The following CAPN5 variants were observed in gnomAD, a reference collection of about 807,000 sequenced individuals.
CAPN5 encodes the protein calpain 5, also known as calpain-5.
CAPN5 carries 54 observed loss-of-function variants against 73.0 expected under a neutral mutation model. The observed-to-expected ratio is 0.74, with a 90% CI of 0.59 to 0.93. The LOEUF is 0.93. CAPN5 is among the 40% of genes least tolerant of loss of function. The pLI, the probability that CAPN5 is intolerant of heterozygous loss-of-function variation, is 0.00. For missense variants in CAPN5, 785 were observed against 882.9 expected, an observed-to-expected ratio of 0.89 and a Z score of 1.41; for synonymous variants, 335 against 356.9, an observed-to-expected ratio of 0.94 and a Z score of 0.69.
At chr11:77,113,444 G>A (rs1018207045) in intron 4 of CAPN5, among the ~76,000 whole-genome samples, 5 of 152,228 alleles carry the variant, frequency 3.3e-5, no homozygotes, top group Non-Finnish European at 4.4e-5. Flanking sequence ...CAGGAGGGAG[G>A]AGGGAGGAGG....
intron 1 of CAPN5, among the ~76,000 whole-genome samples, chr11:77,082,182 G>A (rs572394217): frequency 2.0e-5 from 3 of 152,180 alleles, no homozygotes; most frequent in Admixed American, 2.0e-4. Context: ...AGTCTTGTGG[G>A]AGCTGCGAGG....
intron 1 of CAPN5, among the ~76,000 whole-genome samples, chr11:77,078,267 TTCTTCTGCGTGTGGATA>T (rs1949993794): frequency 6.6e-6 from 1 of 152,238 alleles, no homozygotes; most frequent in Non-Finnish European, 1.5e-5. Flanking sequence ...GAAACTTTTA[TTCTTCTGCGTGTGGATA>T]TCTGGTTTTC....
intron 1 of CAPN5, among the ~76,000 whole-genome samples, chr11:77,070,379 C>T (rs1949890499): frequency 6.6e-6 from 1 of 152,232 alleles, no homozygotes; most frequent in Non-Finnish European, 1.5e-5. Context: ...CTGCCCTGCC[C>T]AGCCAGCCCC....
At chr11:77,075,937 A>T (rs1413530807) in intron 1 of CAPN5, among the ~76,000 whole-genome samples, 1 of 152,240 alleles carries the variant, frequency 6.6e-6, no homozygotes, top group Admixed American at 6.5e-5. Context: ...GATTTTTTAA[A>T]TAGATAAAAA....
At chr11:77,115,193 C>G (rs1950453441) in intron 5 of CAPN5, among the ~76,000 whole-genome samples, 1 of 152,270 alleles carries the variant, frequency 6.6e-6, no homozygotes, top group South Asian at 2.1e-4. Context: ...TTCCCCTGGG[C>G]TGACCCACTA....
intron 1 of CAPN5, among the ~76,000 whole-genome samples, chr11:77,070,673 C>T (rs1383460669): frequency 6.6e-6 from 1 of 152,208 alleles, no homozygotes; most frequent in African/African-American, 2.4e-5. Flanking sequence ...AATTGCCACA[C>T]TTGGTGGCTG....
rs782605495 is a variant in CAPN5 at position 77,120,784 on chromosome 11, A to T, written c.1362A>T (p.Ser454=). 12 of 1,613,566 alleles carry T rather than the reference A, an allele frequency of 7.4e-6. No homozygotes were observed. The East Asian group carries it at 2.7e-4, about 36-fold the overall frequency. Residue 454 remains serine (S), a synonymous_variant, in exon 10 of 13, where the codon TCA becomes TCT. Coordinates refer to ENST00000648180, the MANE Select transcript of CAPN5 (RefSeq NM_004055.5). The part of the protein sequence containing the change: ...HKAASSIYIN[S]RSVFLRTDQP... ...CCGCCAGCTCCATCTACATCAACTC[A>T]CGCAGCGTCTTCCTGCGCACCGACC...
intron 2 of CAPN5, among the ~76,000 whole-genome samples, chr11:77,085,910 A>T (rs1026147424): frequency 2.0e-5 from 3 of 152,210 alleles, no homozygotes; most frequent in African/African-American, 7.2e-5. Context: ...GCGGGAGACC[A>T]TGCTGCTGTC....
At chr11:77,078,270 T>C (rs1458273862) in intron 1 of CAPN5, among the ~76,000 whole-genome samples, 1 of 152,230 alleles carries the variant, frequency 6.6e-6, no homozygotes, top group Non-Finnish European at 1.5e-5. Flanking sequence ...ACTTTTATTC[T>C]TCTGCGTGTG....
intron 4 of CAPN5, among the ~76,000 whole-genome samples, chr11:77,113,191 C>T (rs1555041057): frequency 6.6e-6 from 1 of 152,218 alleles, no homozygotes; most frequent in East Asian, 1.9e-4. Context: ...CAGGGTGGGC[C>T]ACGTGCCTGC....
chr11:77,087,493 G>A (rs1950100848), intron 2 of CAPN5, among the ~76,000 whole-genome samples: 2 of 152,160 alleles, frequency 1.3e-5, no homozygotes, highest in African/African-American at 4.8e-5. Flanking sequence ...TTCTTAGAGG[G>A]TCTCCTCAGC....
At chr11:77,090,882 C>G (rs1231381226) in intron 2 of CAPN5, among the ~76,000 whole-genome samples, 1 of 152,148 alleles carries the variant, frequency 6.6e-6, no homozygotes, top group South Asian at 2.1e-4. Context: ...AGGAGGGCAG[C>G]GGGGAGGAGA....
At chr11:77,088,207 A>C (rs900908238) in intron 2 of CAPN5, 4 of 1,029,708 alleles carry the variant, frequency 3.9e-6, no homozygotes, top group Non-Finnish European at 5.4e-6. Context: ...ATGAACAGAC[A>C]CTGGTTTTGG....
Position 77,115,596 on chromosome 11 carries a change from C to T in CAPN5, c.893+8C>T, listed in dbSNP as rs1555041609. ...CGGGCCCTGGAGTGACACGTGAGGCCTGGGGATGGGGGTGCAGGCACAGGG... is the reference window on the plus strand; with the variant it reads ...CGGGCCCTGGAGTGACACGTGAGGCTTGGGGATGGGGGTGCAGGCACAGGG... On this transcript the variant is annotated splice_region_variant and intron_variant, in intron 6 of 12. Transcript: ENST00000648180. 6.2e-7 allele frequency: 1 copy of T among 1,602,628 alleles called. No homozygotes were observed. The highest frequency in any genetic ancestry group is 1.7e-5 in the Admixed American group (1 of 59,782).
At chr11:77,076,102 C>T (rs1949966224) in intron 1 of CAPN5, among the ~76,000 whole-genome samples, 2 of 152,128 alleles carry the variant, frequency 1.3e-5, no homozygotes, top group South Asian at 4.1e-4. Context: ...TAGCTCATGC[C>T]TGGAATCCCA....
chr11:77,120,945 G>A (rs782627574), intron 10 of CAPN5, 36 bp downstream of exon 10: 2 of 1,584,362 alleles, frequency 1.3e-6, no homozygotes, highest in South Asian at 2.3e-5. Context: ...GTGTGGGTGG[G>A]AGTGACATTC....
intron 1 of CAPN5, chr11:77,071,643 T>C (rs1949907843): frequency 2.2e-6 from 1 of 454,302 alleles, no homozygotes; most frequent in South Asian, 1.6e-5. Flanking sequence ...GGTTAACTGC[T>C]TTGCACCTCG....
chr11:77,120,879 G>A lies in CAPN5; in HGVS notation c.1457G>A (p.Arg486Gln). 4 of 1,613,950 alleles carry A rather than the reference G, an allele frequency of 2.5e-6. No individual in the cohort carries two copies. The highest frequency in any genetic ancestry group is 2.2e-5 in the East Asian group (1 of 44,876). ...GGCCACACTGGCGAGTTCCTGCTCC[G>A]AGTCTTCACTGATGTGCCCTCCAAC... ...EPGHTGEFLL[R>Q]VFTDVPSNCR... Residue 486 changes from arginine (R) to glutamine (Q), a missense_variant, in exon 10 of 13, where the codon CGA becomes CAA. Physicochemically the swap from Arg to Gln is conservative, Grantham distance 43 (BLOSUM62 1). Transcript: ENST00000648180.
intron 4 of CAPN5, among the ~76,000 whole-genome samples, chr11:77,113,479 C>T (rs1555041096): frequency 6.6e-6 from 1 of 152,120 alleles, no homozygotes; most frequent in South Asian, 2.1e-4. Flanking sequence ...AGGCCAGCCT[C>T]GCCAGCTCTA....
Sources: allele counts gnomAD v4.1 joint callset (sites outside exome capture counted in the v4.1 genomes callset), GRCh38; gene constraint gnomAD v4.1.1; transcripts MANE v1.5; gene names NCBI Gene and HGNC (gene_info 2026-07-23, HGNC 2026-07-21).